Variants in LUZP2 observed in about 807,000 individuals in gnomAD.
LUZP2 encodes the protein leucine zipper protein 2.
LUZP2 carries 52 observed loss-of-function variants against 51.6 expected under a neutral mutation model. That is an observed-to-expected ratio of 1.01 (90% CI 0.81 to 1.27). The LOEUF (loss-of-function observed/expected upper bound fraction) is 1.27. Among genes scored for constraint, LUZP2 ranks in the 50% most tolerant of loss-of-function variants. The pLI is 0.00. For missense variants in LUZP2, 436 were observed against 395.4 expected (o/e 1.10, Z -0.87); for synonymous variants, 154 against 137.3 (o/e 1.12, Z -0.85).
At chr11:24,737,044 G>C (rs1332501881) in intron 3 of LUZP2, among the ~76,000 whole-genome samples, 2 of 152,068 alleles carry the variant, frequency 1.3e-5, no homozygotes, top group African/African-American at 4.8e-5. Flanking sequence ...GCCCCATTAA[G>C]TCCTGCTGGG....
At chr11:24,869,975 T>C (rs952213308) in intron 5 of LUZP2, among the ~76,000 whole-genome samples, 2 of 152,154 alleles carry the variant, frequency 1.3e-5, no homozygotes, top group Admixed American at 1.3e-4. Context: ...AAGGCAAAGC[T>C]CTTCTAAAAG....
At chr11:24,802,628 T>A (rs1849727667) in intron 5 of LUZP2, among the ~76,000 whole-genome samples, 1 of 152,044 alleles carries the variant, frequency 6.6e-6, no homozygotes, top group Non-Finnish European at 1.5e-5. Flanking sequence ...ACTGAAACTC[T>A]GTGCCTATTG....
intron 7 of LUZP2, among the ~76,000 whole-genome samples, chr11:24,959,953 A>T (rs1254079358): frequency 1.3e-5 from 2 of 152,182 alleles, no homozygotes; most frequent in Non-Finnish European, 2.9e-5. Flanking sequence ...GAGAGTTTTT[A>T]GCATGAAGGT....
intron 3 of LUZP2, among the ~76,000 whole-genome samples, 194 bp downstream of exon 3, chr11:24,732,382 C>T (rs1858746035): frequency 1.3e-5 from 2 of 151,726 alleles, no homozygotes; most frequent in East Asian, 3.9e-4. Context: ...TGAGATTCCA[C>T]ATTTCTAAGA....
intron 5 of LUZP2, among the ~76,000 whole-genome samples, chr11:24,805,658 C>T (rs755995572): frequency 4.6e-5 from 7 of 152,138 alleles, no homozygotes; most frequent in Non-Finnish European, 1.0e-4. Flanking sequence ...GTATTTTAAT[C>T]TTTGAAAATT....
intron 1 of LUZP2, among the ~76,000 whole-genome samples, chr11:24,559,495 A>T (rs1851968719): frequency 6.6e-6 from 1 of 152,200 alleles, no homozygotes; most frequent in South Asian, 2.1e-4. Context: ...CAATAAAGAG[A>T]GCAAGTTTAT....
chr11:24,926,894 C>T (rs1854292058), intron 7 of LUZP2, among the ~76,000 whole-genome samples: 1 of 151,556 alleles, frequency 6.6e-6, no homozygotes, highest in Non-Finnish European at 1.5e-5. Context: ...CACATTCACA[C>T]CAACAACTAT....
chr11:24,714,723 A>G (rs561130731), intron 1 of LUZP2, among the ~76,000 whole-genome samples: 1 of 152,194 alleles, frequency 6.6e-6, no homozygotes, highest in Non-Finnish European at 1.5e-5. Flanking sequence ...TGCCAAAATG[A>G]TTCAATTATT....
At chr11:25,014,316 A>T (rs1857076079) in intron 9 of LUZP2, among the ~76,000 whole-genome samples, 1 of 152,202 alleles carries the variant, frequency 6.6e-6, no homozygotes, top group Non-Finnish European at 1.5e-5. Flanking sequence ...ATCCCTGAGG[A>T]ATCACCACAC....
intron 5 of LUZP2, among the ~76,000 whole-genome samples, chr11:24,857,302 T>C (rs756361698): frequency 4.9e-4 from 31 of 63,292 alleles, no homozygotes; most frequent in African/African-American, 1.6e-3. Context: ...TATATATATA[T>C]ACATATATAT....
intron 9 of LUZP2, among the ~76,000 whole-genome samples, chr11:25,003,556 T>C (rs1397767528): frequency 1.3e-5 from 2 of 152,186 alleles, no homozygotes; most frequent in Non-Finnish European, 2.9e-5. Flanking sequence ...ACTCCTAGAA[T>C]TGGGGTGTTG....
At chr11:24,847,221 G>T (rs952288635) in intron 5 of LUZP2, among the ~76,000 whole-genome samples, 1 of 151,344 alleles carries the variant, frequency 6.6e-6, no homozygotes, top group Non-Finnish European at 1.5e-5. Context: ...TAATTCGTAG[G>T]TCCCATTTAC....
At chr11:24,822,277 C>T (rs1389655285) in intron 5 of LUZP2, among the ~76,000 whole-genome samples, 2 of 152,076 alleles carry the variant, frequency 1.3e-5, no homozygotes, top group African/African-American at 4.8e-5. Context: ...ATTTTCTCTT[C>T]CATCCTGAGC....
chr11:24,948,149 A>G (rs976644122), intron 7 of LUZP2, among the ~76,000 whole-genome samples: 40 of 151,220 alleles, frequency 2.6e-4, no homozygotes, highest in Non-Finnish European at 2.8e-4. Context: ...ATCTCTATTC[A>G]TCTATTATTA....
intron 7 of LUZP2, among the ~76,000 whole-genome samples, chr11:24,930,308 T>G (rs1854410210): frequency 6.6e-6 from 1 of 152,194 alleles, no homozygotes. Context: ...TTCATTGTGT[T>G]ATTGTTGTAT....
At chr11:24,832,941 C>G (rs991468360) in intron 5 of LUZP2, among the ~76,000 whole-genome samples, 2 of 152,058 alleles carry the variant, frequency 1.3e-5, no homozygotes, top group African/African-American at 4.8e-5. Flanking sequence ...GGCCAGAGGT[C>G]TGGATTTCAA....
At chr11:25,058,804 A>G (rs1263964096) in intron 10 of LUZP2, among the ~76,000 whole-genome samples, 1 of 152,176 alleles carries the variant, frequency 6.6e-6, no homozygotes, top group Non-Finnish European at 1.5e-5. Flanking sequence ...GTCTTGATTT[A>G]ATGTTACATT....
At chr11:24,859,746 G>T (rs1851679568) in intron 5 of LUZP2, among the ~76,000 whole-genome samples, 4 of 152,310 alleles carry the variant, frequency 2.6e-5, no homozygotes, top group South Asian at 2.1e-4. Context: ...ACAAGGGACG[G>T]GGGAACCCCT....
intron 5 of LUZP2, among the ~76,000 whole-genome samples, chr11:24,799,195 C>A (rs559717432): frequency 1.1e-4 from 16 of 152,226 alleles, no homozygotes; most frequent in African/African-American, 3.6e-4. Context: ...TAGACATGAG[C>A]TCGTTCAGTT....
Sources: gnomAD v4.1 joint callset for allele counts (sites outside exome capture counted in the v4.1 genomes callset) on GRCh38, gnomAD v4.1.1 for gene constraint, MANE v1.5 for transcripts, NCBI Gene and HGNC (gene_info 2026-07-23, HGNC 2026-07-21) for gene names.